DOK6: variants seen among roughly 807,000 people sequenced by gnomAD.
DOK6 encodes the protein docking protein 6.
A neutral mutation model predicts 44.0 loss-of-function variants in DOK6; 22 were observed. The observed-to-expected ratio is 0.50, with a 90% confidence interval of 0.36 to 0.71. DOK6 has a LOEUF of 0.71. DOK6 is among the 30% of genes least tolerant of loss of function. The pLI, the probability that DOK6 is intolerant of heterozygous loss-of-function variation, is 0.00. For missense variants in DOK6, 340 were observed against 416.4 expected (o/e 0.82, Z 1.60); for synonymous variants, 166 against 145.5 (o/e 1.14, Z -1.01).
At chr18:69,774,131 G>GATATATATATATAT (rs1212221255) in intron 7 of DOK6, among the ~76,000 whole-genome samples, 1 of 13,860 alleles carries the variant, frequency 7.2e-5, no homozygotes, top group Non-Finnish European at 3.9e-4. Flanking sequence ...ATATATATAT[G>GATATATATATATAT]AGATATATAT....
chr18:69,655,410 TGA>T (rs1432852519), intron 3 of DOK6, among the ~76,000 whole-genome samples: 2 of 152,202 alleles, frequency 1.3e-5, no homozygotes, highest in Non-Finnish European at 1.5e-5. Context: ...TTAGTCTATC[TGA>T]GAGGATTCTC....
chr18:69,735,981 T>C (rs1455093581), intron 5 of DOK6, among the ~76,000 whole-genome samples: 3 of 152,188 alleles, frequency 2.0e-5, no homozygotes, highest in African/African-American at 7.2e-5. Flanking sequence ...TGTTGCCAAT[T>C]TTATAGGTGA....
At chr18:69,426,247 C>T (rs2122415497) in intron 1 of DOK6, among the ~76,000 whole-genome samples, 1 of 152,222 alleles carries the variant, frequency 6.6e-6, no homozygotes, top group Non-Finnish European at 1.5e-5. Context: ...GCTATTCCTC[C>T]CCATATCCAA....
At chr18:69,730,714 C>G (rs1978372362) in intron 5 of DOK6, among the ~76,000 whole-genome samples, 1 of 152,146 alleles carries the variant, frequency 6.6e-6, no homozygotes. Flanking sequence ...TATAGAACAT[C>G]TAGGTGATTG....
intron 3 of DOK6, among the ~76,000 whole-genome samples, chr18:69,607,932 C>T (rs543717642): frequency 9.2e-5 from 14 of 152,036 alleles, no homozygotes; most frequent in African/African-American, 3.4e-4. Context: ...GTGAAAAAAC[C>T]CTTATAAAGT....
At position 69,647,182 on chromosome 18, in the gene DOK6, TCCATCCATCTAC is replaced by T. The variant is rs1568321259; in HGVS notation, c.290-30550_290-30539del. On this transcript the variant is annotated intron_variant, in intron 3 of 7. Coordinates refer to ENST00000382713, the MANE Select transcript of DOK6 (RefSeq NM_152721.6). ...CCTATCCATCTATCCTATCCATCTA[TCCATCCATCTAC>T]CTATCTATCTCCTGTCTTCATTATG... Among the ~76,000 whole-genome samples the T allele has an allele frequency of 5.9e-5, 9 of 152,148 alleles. No homozygotes were observed. The East Asian group carries it at 9.7e-4, about 16-fold the overall frequency.
intron 3 of DOK6, among the ~76,000 whole-genome samples, chr18:69,643,179 A>G (rs373174272): frequency 6.6e-6 from 1 of 152,234 alleles, no homozygotes; most frequent in South Asian, 2.1e-4. Context: ...GAAATAACAG[A>G]GAGCCCAACG....
Position 69,481,851 on chromosome 18 carries a change from T to C in DOK6, c.66+80541T>C, listed in dbSNP as rs578254930. ...TACACTCCCACCAACAGAGTAAAAG[T>C]GTTCCTATTTCTCCACATCCTCTCC... is the stretch of plus-strand genomic sequence containing the variant. On this transcript the variant is annotated intron_variant, in intron 1 of 7. Transcript: ENST00000382713. Among the ~76,000 whole-genome samples the C allele has an allele frequency of 1.6e-4, 25 of 152,274 alleles. No homozygotes were observed. The East Asian group carries it at 4.6e-3, about 28-fold the overall frequency.
At chr18:69,637,027 A>G (rs17081373) in intron 3 of DOK6, among the ~76,000 whole-genome samples, 30,756 of 151,998 alleles carry the variant, frequency 0.2, 3,597 homozygotes, top group East Asian at 0.4. Context: ...TGGCAGCACC[A>G]TCTCCCCACC....
intron 1 of DOK6, among the ~76,000 whole-genome samples, chr18:69,449,196 G>C (rs1979383403): frequency 6.6e-6 from 1 of 152,088 alleles, no homozygotes; most frequent in Non-Finnish European, 1.5e-5. Context: ...TAAAAAGTTG[G>C]GTGCAAGATA....
At chr18:69,727,037 T>G (rs1260443984) in intron 5 of DOK6, among the ~76,000 whole-genome samples, 1 of 152,056 alleles carries the variant, frequency 6.6e-6, no homozygotes, top group Admixed American at 6.6e-5. Flanking sequence ...TTTATTTCTT[T>G]ATAGCAACAG....
At chr18:69,611,969 T>C (rs923254329) in intron 3 of DOK6, among the ~76,000 whole-genome samples, 1 of 104,448 alleles carries the variant, frequency 9.6e-6, no homozygotes, top group Non-Finnish European at 2.2e-5. Context: ...CACACACACG[T>C]ATAAGTAAAA....
chr18:69,733,993 C>T (rs1206649673), intron 5 of DOK6, among the ~76,000 whole-genome samples: 1 of 152,070 alleles, frequency 6.6e-6, no homozygotes, highest in African/African-American at 2.4e-5. Context: ...ATTCATCTAT[C>T]TTTTCTTCTG....
chr18:69,507,268 C>T (rs1341784101), intron 1 of DOK6, among the ~76,000 whole-genome samples: 1 of 152,070 alleles, frequency 6.6e-6, no homozygotes, highest in Non-Finnish European at 1.5e-5. Context: ...ACCTTGTGAT[C>T]CGCCCACCTC....
At chr18:69,515,983 T>C (rs1981511063) in intron 1 of DOK6, among the ~76,000 whole-genome samples, 12 of 152,256 alleles carry the variant, frequency 7.9e-5, no homozygotes, top group Admixed American at 7.9e-4. Context: ...TGTTTTGATT[T>C]CACTATTTAG....
At chr18:69,416,177 GGAAC>G (rs1357039231) in intron 1 of DOK6, among the ~76,000 whole-genome samples, 3 of 2,104 alleles carry the variant, frequency 1.4e-3, no homozygotes, top group Admixed American at 6.6e-3. Context: ...AAGGAAGGAA[GGAAC>G]GAAGGAAGGA....
intron 7 of DOK6, among the ~76,000 whole-genome samples, chr18:69,838,634 A>G (rs1191954236): frequency 6.6e-6 from 1 of 152,072 alleles, no homozygotes; most frequent in Non-Finnish European, 1.5e-5. Context: ...AGGGAAACAA[A>G]CCCAGAGATG....
chr18:69,420,129 C>T (rs1422335455), intron 1 of DOK6, among the ~76,000 whole-genome samples: 1 of 151,316 alleles, frequency 6.6e-6, no homozygotes, highest in Non-Finnish European at 1.5e-5. Context: ...ATAAAACATA[C>T]AAAAAAACAC....
chr18:69,629,999 C>T (rs1249251179), intron 3 of DOK6, among the ~76,000 whole-genome samples: 1 of 152,108 alleles, frequency 6.6e-6, no homozygotes, highest in Non-Finnish European at 1.5e-5. Flanking sequence ...CTCCTGGCCT[C>T]GGGTGATCCA....
Sources: allele counts gnomAD v4.1 joint callset (sites outside exome capture counted in the v4.1 genomes callset), GRCh38; gene constraint gnomAD v4.1.1; transcripts MANE v1.5; gene names NCBI Gene and HGNC (gene_info 2026-07-23, HGNC 2026-07-21).